Variants in TMPRSS6 observed in about 807,000 individuals in gnomAD.
TMPRSS6 encodes the protein transmembrane serine protease 6, also known as transmembrane protease serine 6.
TMPRSS6 carries 67 observed loss-of-function variants against 101.5 expected under a neutral mutation model. That is an observed-to-expected ratio of 0.66 (90% CI 0.54 to 0.81). TMPRSS6 has a LOEUF of 0.81. Ranked by LOEUF, TMPRSS6 falls within the 30% of genes least tolerant of loss-of-function variation. The pLI is 0.00. For missense variants in TMPRSS6, 1,034 were observed against 1,088.7 expected, an observed-to-expected ratio of 0.95 and a Z score of 0.71; for synonymous variants, 453 against 464.9, an observed-to-expected ratio of 0.97 and a Z score of 0.33.
At position 37,103,610 on chromosome 22, in the gene TMPRSS6, G is replaced by T; in HGVS notation, c.-1-192C>A. 1 of 1,602,680 alleles carries T rather than the reference G, an allele frequency of 6.2e-7. No homozygotes were observed. Among genetic ancestry groups the T allele is most frequent in the East Asian group, 2.2e-5 (1 of 44,852 alleles). The stretch of plus-strand genomic sequence containing the variant: ...AGGGAAGTGCATCTCAGGTCAGCTC[G>T]CACCAGAGGGCAGGCACCAGAGCTG... On this transcript the variant is annotated intron_variant, in intron 1 of 17. Coordinates refer to ENST00000676104, the MANE Select transcript of TMPRSS6 (RefSeq NM_001374504.1). This position sits in a 1 kb window ranked among gnomAD's most constrained non-coding sequence, Gnocchi z 4.4.
In TMPRSS6 at chr22:37,069,192, A is replaced by C. The variant is rs767543150; in HGVS notation, c.1994T>G (p.Leu665Arg). Residue 665 changes from leucine (L) to arginine (R), a missense_variant, in exon 16 of 18, where the codon CTC becomes CGC. Leu to Arg is a moderately radical substitution (Grantham distance 102). Coordinates refer to ENST00000676104, the MANE Select transcript of TMPRSS6 (RefSeq NM_001374504.1). This position sits in a 1 kb window ranked among gnomAD's most constrained non-coding sequence, Gnocchi z 4.8. Reference sequence around the variant, plus strand: ...GGCCGAGCGCACCACCGGGTGGTCGAGCTGCAGCAGCGCCACGTCGTAGTC... The same window carrying C: ...GGCCGAGCGCACCACCGGGTGGTCGCGCTGCAGCAGCGCCACGTCGTAGTC... ...SHDYDVALLQ[L>R]DHPVVRSAAV... 6.3e-7 allele frequency: 1 copy of C among 1,599,510 alleles called. No homozygotes were observed. Among genetic ancestry groups the C allele is most frequent in the Non-Finnish European group, 8.5e-7 (1 of 1,174,144 alleles).
intron 2 of TMPRSS6, among the ~76,000 whole-genome samples, chr22:37,099,263 C>G (rs1201159905): frequency 6.6e-6 from 1 of 152,156 alleles, no homozygotes; most frequent in East Asian, 1.9e-4. Flanking sequence ...GGCACGGGGC[C>G]GGTAGCACGG....
Position 37,084,325 on chromosome 22 carries a change from G to T in TMPRSS6, c.1166C>A (p.Thr389Asn). The part of the protein sequence containing the change: ...LRRQKYDLPC[T>N]QGQWTIQNRR... ...GTTCTGGATCGTCCACTGGCCCTGGGTGCACGGCAAATCATACTTCTGCCT... is the reference window on the plus strand; with the variant it reads ...GTTCTGGATCGTCCACTGGCCCTGGTTGCACGGCAAATCATACTTCTGCCT... The change falls in exon 10 of 18, where the codon ACC (threonine) becomes AAC (asparagine). Residue 389 changes from threonine (T) to asparagine (N), a missense_variant. Transcript: ENST00000676104. The T allele has an allele frequency of 6.2e-7, 1 of 1,613,750 alleles. No homozygotes were observed. Among genetic ancestry groups the T allele is most frequent in the African/African-American group, 1.3e-5 (1 of 75,006 alleles).
At chr22:37,075,345 G>A (rs9610643) in intron 10 of TMPRSS6, 65 bp from the exon 11 acceptor site, 501,960 of 1,599,852 alleles carry the variant, frequency 0.31, 82,448 homozygotes, top group African/African-American at 0.57. Flanking sequence ...TGCACAGACA[G>A]AGCAAGGACA....
At chr22:37,104,631 C>A (rs189752185) in intron 1 of TMPRSS6, among the ~76,000 whole-genome samples, 1 of 152,326 alleles carries the variant, frequency 6.6e-6, no homozygotes, top group East Asian at 1.9e-4. Flanking sequence ...AAGTTCATCT[C>A]CTCTTACTAT....
At chr22:37,106,009 T>C (rs1930691723) in intron 1 of TMPRSS6, among the ~76,000 whole-genome samples, 1 of 152,130 alleles carries the variant, frequency 6.6e-6, no homozygotes, top group South Asian at 2.1e-4. Context: ...CATAGAGCCA[T>C]GGGGACTCGG....
chr22:37,067,245 C>A (rs996982425), intron 16 of TMPRSS6, among the ~76,000 whole-genome samples: 7 of 152,070 alleles, frequency 4.6e-5, no homozygotes, highest in Non-Finnish European at 8.8e-5. Flanking sequence ...CTGAGGCGGA[C>A]GGAACACCTG....
chr22:37,078,973 A>AGAAAGAAAGAAAGAAAGAAAGAAAGAAAG (rs1555888509), intron 10 of TMPRSS6, among the ~76,000 whole-genome samples: 6 of 106,510 alleles, frequency 5.6e-5, no homozygotes, highest in Non-Finnish European at 9.7e-5. Context: ...GAAAGAAAGA[A>AGAAAGAAAGAAAGAAAGAAAGAAAGAAAG]AAAGAAAGAA....
chr22:37,080,892 G>C (rs1030149570), intron 10 of TMPRSS6, among the ~76,000 whole-genome samples: 1 of 152,262 alleles, frequency 6.6e-6, no homozygotes, highest in East Asian at 1.9e-4. Context: ...AGGCTCAGAG[G>C]GAAGAATCGC....
At chr22:37,097,470 G>C (rs964763679) in intron 3 of TMPRSS6, among the ~76,000 whole-genome samples, 3 of 152,236 alleles carry the variant, frequency 2.0e-5, no homozygotes, top group East Asian at 1.9e-4. Flanking sequence ...TATTCCCCCT[G>C]CCAGGGCCAA....
At chr22:37,078,973 A>AAAAGAAAGAAAGAAAGAAAGAGAAAG (rs1928007972) in intron 10 of TMPRSS6, among the ~76,000 whole-genome samples, 1 of 106,510 alleles carries the variant, frequency 9.4e-6, no homozygotes. Flanking sequence ...GAAAGAAAGA[A>AAAAGAAAGAAAGAAAGAAAGAGAAAG]AAAGAAAGAA....
chr22:37,071,538 G>T (rs1055605686), intron 13 of TMPRSS6, among the ~76,000 whole-genome samples: 1 of 152,214 alleles, frequency 6.6e-6, no homozygotes, highest in Non-Finnish European at 1.5e-5. Flanking sequence ...AGCTTTTCAT[G>T]TCTGACCTCC....
rs375189210 is a variant in TMPRSS6, at chr22:37,069,128, G to C, written c.2058C>G (p.Phe686Leu). Reference protein sequence around the residue: ...RPVCLPARSHFFEPGLHCWIT... With the variant: ...RPVCLPARSHLFEPGLHCWIT... ...TCCAGCAGTGCAGGCCGGGCTCGAAGAAGTGGGAGCGCGCGGGCAGGCAGA... is the reference window on the plus strand; with the variant it reads ...TCCAGCAGTGCAGGCCGGGCTCGAACAAGTGGGAGCGCGCGGGCAGGCAGA... The change falls in exon 16 of 18, where the codon TTC (phenylalanine) becomes TTG (leucine). Residue 686 changes from phenylalanine to leucine, a missense_variant. Phe to Leu is a conservative substitution (Grantham distance 22, BLOSUM62 0). Coordinates refer to ENST00000676104, the MANE Select transcript of TMPRSS6 (RefSeq NM_001374504.1). This position sits in a 1 kb window ranked among gnomAD's most constrained non-coding sequence, Gnocchi z 4.8. 286 of 1,567,144 alleles carry C rather than the reference G, an allele frequency of 1.8e-4. No homozygotes were observed. Among genetic ancestry groups the C allele is most frequent in the Admixed American group, 5.6e-5 (3 of 53,958 alleles).
At chr22:37,088,521 G>C (rs965093402) in intron 7 of TMPRSS6, among the ~76,000 whole-genome samples, 1 of 152,148 alleles carries the variant, frequency 6.6e-6, no homozygotes, top group African/African-American at 2.4e-5. Context: ...CTCCTGCAGT[G>C]CTTTGTAGGC....
Position 37,065,948 on chromosome 22 carries a change from ATGCCACCTCC to A in TMPRSS6, c.*122_*131del, listed in dbSNP as rs1225197752. On this transcript the variant is annotated 3_prime_UTR_variant, in exon 18 of 18. Transcript: ENST00000676104. ...GAGCAGACATCAGGGACGAGACAAG[ATGCCACCTCC>A]TGCCACCACAGGGCCTGCTCTCTCC... 17 of 1,210,446 alleles carry A rather than the reference ATGCCACCTCC, an allele frequency of 1.4e-5. No homozygotes were observed. Among genetic ancestry groups the A allele is most frequent in the Middle Eastern group, 2.7e-4 (1 of 3,660 alleles). 75.0% of individuals were successfully genotyped at this position (1,210,446 alleles called of 1,614,324 possible).
chr22:37,081,881 G>A (rs1452120195), intron 10 of TMPRSS6, among the ~76,000 whole-genome samples: 1 of 152,222 alleles, frequency 6.6e-6, no homozygotes, highest in African/African-American at 2.4e-5. Context: ...AGACTCTGGC[G>A]AGATCCCTCC....
chr22:37,074,299 C>T (rs1015539466), intron 12 of TMPRSS6, among the ~76,000 whole-genome samples: 3 of 152,196 alleles, frequency 2.0e-5, no homozygotes, highest in African/African-American at 7.2e-5. Context: ...GGGGACATCT[C>T]CCTCACCCAT....
At chr22:37,084,461 C>A in intron 9 of TMPRSS6, 57 bp from the exon 10 acceptor site, 2 of 1,259,094 alleles carry the variant, frequency 1.6e-6, no homozygotes, top group Non-Finnish European at 2.3e-6. Context: ...GGTTGGTGAA[C>A]CCACCTCCCT....
chr22:37,078,526 C>G (rs901022553), intron 10 of TMPRSS6, among the ~76,000 whole-genome samples: 1 of 152,084 alleles, frequency 6.6e-6, no homozygotes, highest in Non-Finnish European at 1.5e-5. Context: ...GCTTAGAAAG[C>G]GCCAGAGAGG....
Sources: allele counts gnomAD v4.1 joint callset (sites outside exome capture counted in the v4.1 genomes callset), GRCh38; gene constraint gnomAD v4.1.1; non-coding constraint Gnocchi (gnomAD v3.1); transcripts MANE v1.5; gene names NCBI Gene and HGNC (gene_info 2026-07-23, HGNC 2026-07-21).